Variants in MAPKAP1 observed in about 807,000 individuals in gnomAD.
MAPKAP1 encodes MAPK associated protein 1, also known as target of rapamycin complex 2 subunit MAPKAP1.
MAPKAP1 carries 20 observed loss-of-function variants against 65.7 expected under a neutral mutation model. That is an observed-to-expected ratio of 0.30 (90% CI 0.21 to 0.44). The LOEUF (loss-of-function observed/expected upper bound fraction) is 0.44, where lower values mean the gene tolerates loss of function less well. MAPKAP1 is among the 20% of genes least tolerant of loss of function. MAPKAP1 has a pLI of 1.00. For synonymous variants in MAPKAP1, 222 were observed against 244.3 expected (o/e 0.91, Z 0.85); for missense variants, 423 against 648.0 (o/e 0.65, Z 3.77).
chr9:125,478,496 G>T (rs1237262818), intron 9 of MAPKAP1, among the ~76,000 whole-genome samples: 1 of 152,012 alleles, frequency 6.6e-6, no homozygotes, highest in Non-Finnish European at 1.5e-5. Context: ...CCCAGCTAAG[G>T]TTTTTAAATG....
chr9:125,598,447 C>A (rs1323698829), intron 4 of MAPKAP1, among the ~76,000 whole-genome samples: 1 of 152,160 alleles, frequency 6.6e-6, no homozygotes, highest in Non-Finnish European at 1.5e-5. Flanking sequence ...GAATCACCAA[C>A]CTTGGTTCCA....
At chr9:125,522,242 T>C (rs1403802364) in intron 7 of MAPKAP1, among the ~76,000 whole-genome samples, 1 of 152,228 alleles carries the variant, frequency 6.6e-6, no homozygotes, top group Non-Finnish European at 1.5e-5. Context: ...CTCTAAGCTC[T>C]TTTTTGCTTC....
Position 125,677,214 on chromosome 9 carries a change from G to A in MAPKAP1, c.-69-4571C>T, listed in dbSNP as rs141254478. On this transcript the variant is annotated intron_variant, in intron 1 of 11. Coordinates refer to ENST00000265960, the MANE Select transcript of MAPKAP1 (RefSeq NM_001006617.3). ...AGCACTTTGGGAGGCCGAGGCGGGCGGATCACTTGTGGTCAGGAGTTTGAG... is the reference window on the plus strand; with the variant it reads ...AGCACTTTGGGAGGCCGAGGCGGGCAGATCACTTGTGGTCAGGAGTTTGAG... Among the ~76,000 whole-genome samples the A allele has an allele frequency of 7.0e-3, 1,058 of 152,148 alleles. 16 individuals are homozygous for A. The highest frequency in any genetic ancestry group is 0.023 in the African/African-American group (954 of 41,498).
intron 10 of MAPKAP1, among the ~76,000 whole-genome samples, chr9:125,454,563 G>A (rs1389614342): frequency 5.9e-5 from 9 of 152,142 alleles, no homozygotes; most frequent in Non-Finnish European, 1.3e-4. Context: ...ACTTTTTTCT[G>A]TATAAGTACT....
chr9:125,620,234 A>G (rs1832857116), intron 4 of MAPKAP1, among the ~76,000 whole-genome samples: 1 of 152,214 alleles, frequency 6.6e-6, no homozygotes, highest in South Asian at 2.1e-4. Context: ...ACTTGAACCC[A>G]GGAGGTGGAG....
chr9:125,466,507 G>T (rs1435726211), intron 10 of MAPKAP1, among the ~76,000 whole-genome samples: 1 of 152,176 alleles, frequency 6.6e-6, no homozygotes, highest in Non-Finnish European at 1.5e-5. Flanking sequence ...GAGACATGGA[G>T]AATTTATAAA....
intron 6 of MAPKAP1, among the ~76,000 whole-genome samples, chr9:125,557,711 T>C (rs552596409): frequency 6.6e-6 from 1 of 150,972 alleles, no homozygotes; most frequent in Non-Finnish European, 1.5e-5. Flanking sequence ...ACCCATACAC[T>C]TTTCTTTTAT....
chr9:125,477,080 T>C (rs1332446444), intron 9 of MAPKAP1, among the ~76,000 whole-genome samples: 1 of 152,234 alleles, frequency 6.6e-6, no homozygotes, highest in Non-Finnish European at 1.5e-5. Context: ...TGGACAGTTT[T>C]ATGAAAAGAT....
At chr9:125,488,073 G>C (rs890057254) in intron 8 of MAPKAP1, among the ~76,000 whole-genome samples, 2 of 152,188 alleles carry the variant, frequency 1.3e-5, no homozygotes, top group Non-Finnish European at 2.9e-5. Flanking sequence ...GACTTACATA[G>C]CTGGAGCTGG....
At chr9:125,684,023 A>G (rs1440347364) in intron 1 of MAPKAP1, among the ~76,000 whole-genome samples, 4 of 152,076 alleles carry the variant, frequency 2.6e-5, no homozygotes, top group Non-Finnish European at 5.9e-5. Context: ...TCCTTGGTAA[A>G]CCCTTCTATA....
intron 11 of MAPKAP1, among the ~76,000 whole-genome samples, chr9:125,440,747 A>G (rs1327582819): frequency 6.6e-6 from 1 of 152,216 alleles, no homozygotes; most frequent in Non-Finnish European, 1.5e-5. Context: ...CCAAGTTACC[A>G]GCTGAGAGCA....
intron 7 of MAPKAP1, among the ~76,000 whole-genome samples, chr9:125,513,758 C>T (rs1480940336): frequency 6.6e-6 from 1 of 152,202 alleles, no homozygotes; most frequent in East Asian, 1.9e-4. Flanking sequence ...AACAGGCTCA[C>T]AGCCTTACCA....
intron 4 of MAPKAP1, among the ~76,000 whole-genome samples, chr9:125,644,923 T>C (rs1833682667): frequency 1.3e-5 from 2 of 152,204 alleles, no homozygotes. Context: ...GAAAAATGTG[T>C]TTTTTTAATA....
intron 1 of MAPKAP1, among the ~76,000 whole-genome samples, chr9:125,689,434 C>T (rs111378675): frequency 0.13 from 7,965 of 61,580 alleles, 864 homozygotes; most frequent in African/African-American, 0.37. Flanking sequence ...GACTCCATCT[C>T]GGAAAAAAAA....
chr9:125,596,395 A>G, intron 4 of MAPKAP1: 1 of 818,796 alleles, frequency 1.2e-6, no homozygotes. Context: ...AGGGATGGCT[A>G]TAATGGATTT....
At chr9:125,527,055 T>C (rs1262220168) in intron 7 of MAPKAP1, among the ~76,000 whole-genome samples, 1 of 117,010 alleles carries the variant, frequency 8.5e-6, no homozygotes, top group Non-Finnish European at 2.0e-5. Context: ...TTCATACATG[T>C]AGTGTTTTTT....
At chr9:125,646,742 G>A (rs1441050352) in intron 4 of MAPKAP1, among the ~76,000 whole-genome samples, 1 of 152,182 alleles carries the variant, frequency 6.6e-6, no homozygotes, top group African/African-American at 2.4e-5. Flanking sequence ...ACCATAATTA[G>A]GAAGAGAAAA....
chr9:125,478,985 G>C (rs565175897), intron 9 of MAPKAP1, among the ~76,000 whole-genome samples: 1 of 152,318 alleles, frequency 6.6e-6, no homozygotes, highest in East Asian at 1.9e-4. Context: ...AGGCAGAGCA[G>C]TTAGGCTCAG....
intron 5 of MAPKAP1, 26 bp downstream of exon 5, chr9:125,585,529 G>C (rs1831755021): frequency 6.2e-7 from 1 of 1,608,728 alleles, no homozygotes; most frequent in Non-Finnish European, 8.5e-7. Context: ...CAAGAAACTA[G>C]AGCAGCCAAA....
Sources: gnomAD v4.1 joint callset for allele counts (sites outside exome capture counted in the v4.1 genomes callset) on GRCh38, gnomAD v4.1.1 for gene constraint, MANE v1.5 for transcripts, NCBI Gene and HGNC (gene_info 2026-07-23, HGNC 2026-07-21) for gene names.